The following LRIG3 variants were observed in gnomAD, a reference collection of about 807,000 sequenced individuals.
LRIG3 encodes leucine rich repeats and immunoglobulin like domains 3.
In LRIG3, 76 loss-of-function variants were observed where a neutral mutation model predicts 114.5. The observed-to-expected ratio is 0.66, with a 90% CI of 0.55 to 0.80. The LOEUF (loss-of-function observed/expected upper bound fraction) is 0.80. LRIG3 is among the 30% of genes least tolerant of loss of function. The probability of loss-of-function intolerance (pLI) is 0.00; values close to 1 mark genes in which losing one functional copy is unlikely to be tolerated. For synonymous variants in LRIG3, 512 were observed against 519.8 expected (o/e 0.98, Z 0.20); for missense variants, 1,239 against 1,382.8 (o/e 0.90, Z 1.65).
At chr12:58,885,089 G>T (rs1871233405) in intron 10 of LRIG3, among the ~76,000 whole-genome samples, 1 of 152,134 alleles carries the variant, frequency 6.6e-6, no homozygotes, top group South Asian at 2.1e-4. Context: ...ACTGGGAGTA[G>T]CGGCAGAGAT....
chr12:58,903,381 C>A (rs572302791), intron 3 of LRIG3, among the ~76,000 whole-genome samples: 16 of 152,278 alleles, frequency 1.1e-4, no homozygotes, highest in African/African-American at 3.6e-4. Context: ...TGAGAAGTGT[C>A]TGTTCATATC....
intron 2 of LRIG3, 89 bp downstream of exon 2, chr12:58,914,176 C>T (rs11834094): frequency 0.1 from 153,179 of 1,501,450 alleles, 10,054 homozygotes; most frequent in Admixed American, 0.3. Flanking sequence ...TTGAATAACT[C>T]ACTATAATCC....
chr12:58,888,569 G>A (rs996344255), intron 6 of LRIG3, 97 bp from the exon 7 acceptor site: 1 of 1,457,242 alleles, frequency 6.9e-7, no homozygotes, highest in African/African-American at 1.4e-5. Flanking sequence ...GATTCCTATT[G>A]TTATTAGATG....
chr12:58,899,434 C>T (rs540012872), intron 3 of LRIG3, among the ~76,000 whole-genome samples: 14 of 151,992 alleles, frequency 9.2e-5, no homozygotes, highest in African/African-American at 3.1e-4. Flanking sequence ...ACTTCCATAC[C>T]TTTGTTTTTT....
rs760478825 is a variant in LRIG3 at position 58,872,538 on chromosome 12, A to G, written c.*34T>C. On this transcript the variant is annotated 3_prime_UTR_variant, in exon 19 of 19. Coordinates refer to ENST00000320743, the MANE Select transcript of LRIG3 (RefSeq NM_153377.5). ...TTTTAAATAAAAGTTCACTTGAGGT[A>G]GTATGTTAAGCTTTTCCTTTGGTCT... 34 of 1,526,602 alleles carry G rather than the reference A, an allele frequency of 2.2e-5. No individual in the cohort carries two copies. Among genetic ancestry groups the G allele is most frequent in the Non-Finnish European group, 4.4e-6 (5 of 1,134,174 alleles). 94.6% of individuals were successfully genotyped at this position (1,526,602 alleles called of 1,614,324 possible). A position where few individuals can be genotyped will look rare whatever the true frequency, so the allele number is the denominator to read the frequency against.
intron 3 of LRIG3, among the ~76,000 whole-genome samples, chr12:58,900,432 T>C (rs1303145000): frequency 7.7e-6 from 1 of 130,202 alleles, no homozygotes; most frequent in African/African-American, 3.0e-5. Context: ...TGGTATGCAC[T>C]TTTTATTCTT....
rs939588235 is a variant in LRIG3 at position 58,891,791 on chromosome 12, A to T, written c.384-995T>A. Among the ~76,000 whole-genome samples the T allele has an allele frequency of 6.6e-5, 10 of 152,230 alleles. 1 individual carries two copies. The highest frequency in any genetic ancestry group is 5.9e-4 in the Admixed American group (9 of 15,284). ...ATTAGATCCAAACATGTTTTACATTAAAAGTCTTAAACATCAGACCATGAC... is the reference window on the plus strand; with the variant it reads ...ATTAGATCCAAACATGTTTTACATTTAAAGTCTTAAACATCAGACCATGAC... On this transcript the variant is annotated intron_variant, in intron 3 of 18. Coordinates refer to ENST00000320743, the MANE Select transcript of LRIG3 (RefSeq NM_153377.5).
chr12:58,900,092 C>T (rs1443533903), intron 3 of LRIG3, among the ~76,000 whole-genome samples: 1 of 152,134 alleles, frequency 6.6e-6, no homozygotes, highest in East Asian at 1.9e-4. Flanking sequence ...TAAGGTCTCC[C>T]AAAATTAAAT....
chr12:58,874,718 G>A, intron 16 of LRIG3, 145 bp from the exon 17 acceptor site: 3 of 1,007,808 alleles, frequency 3.0e-6, no homozygotes, highest in South Asian at 3.3e-5. Flanking sequence ...TTACAGTAGG[G>A]TTTTAAAAAA....
chr12:58,892,369 C>T lies in LRIG3; in HGVS notation c.384-1573G>A, dbSNP rs576302874. On this transcript the variant is annotated intron_variant, in intron 3 of 18. Transcript: ENST00000320743. ...TAAGTCACACACTGGTGTTTGTACA[C>T]GGTCTGCAGTTAATCTTCGATTAAA... Among the ~76,000 whole-genome samples, 18 of 152,306 alleles carry T rather than the reference C, an allele frequency of 1.2e-4. 1 individual carries two copies. The highest frequency in any genetic ancestry group is 5.9e-4 in the Admixed American group (9 of 15,304).
intron 13 of LRIG3, 54 bp from the exon 14 acceptor site, chr12:58,879,159 C>T: frequency 6.6e-7 from 1 of 1,506,008 alleles, no homozygotes; most frequent in Non-Finnish European, 8.9e-7. Context: ...TACAGGTTCA[C>T]TTGCATTCCT....
chr12:58,883,014 G>A lies in LRIG3; in HGVS notation c.1335C>T (p.Ser445=), dbSNP rs201014796. 6.2e-7 allele frequency: 1 copy of A among 1,613,176 alleles called. No homozygotes were observed. Among genetic ancestry groups the A allele is most frequent in the Non-Finnish European group, 8.5e-7 (1 of 1,179,572 alleles). ...KLQQLHLNTS[S]LLCDCQLKWL... ...ATTTTAGCTGGCAATCGCACAAAAG[G>A]CTTGATGTATTTAAATGCCTGAGGA... The change falls in exon 12 of 19, where the codon AGC becomes AGT. Residue 445 remains serine, a synonymous_variant. Coordinates refer to ENST00000320743, the MANE Select transcript of LRIG3 (RefSeq NM_153377.5).
At position 58,914,067 on chromosome 12, in the gene LRIG3, CAA is replaced by C. The variant is rs72005968; in HGVS notation, c.309-13_309-12del. 1.9e-4 allele frequency: 234 copies of C among 1,226,120 alleles called. No homozygotes were observed. The highest frequency in any genetic ancestry group is 6.6e-4 in the Admixed American group (29 of 43,616). The allele number at this position is 1,226,120 out of a possible 1,614,324, so 76.0% of individuals were successfully genotyped here. ...TTGTTGTTCAGTTTCCTACAAATGC[CAA>C]AAAAAAAAAGAAAAAGAAAAGCTGA... On this transcript the variant is annotated splice_polypyrimidine_tract_variant and intron_variant, in intron 2 of 18. Transcript: ENST00000320743.
intron 2 of LRIG3, 87 bp downstream of exon 2, chr12:58,914,178 C>A (rs1592312710): frequency 1.3e-6 from 2 of 1,511,136 alleles, no homozygotes; most frequent in Non-Finnish European, 1.8e-6. Context: ...GAATAACTCA[C>A]TATAATCCAA....
At chr12:58,873,207 T>G (rs1870796182) in intron 18 of LRIG3, among the ~76,000 whole-genome samples, 1 of 152,194 alleles carries the variant, frequency 6.6e-6, no homozygotes, top group Non-Finnish European at 1.5e-5. Flanking sequence ...AAAGAAATTT[T>G]CTTTCAAAAT....
At chr12:58,890,277 A>G in intron 4 of LRIG3, 138 bp from the exon 5 acceptor site, 1 of 914,022 alleles carries the variant, frequency 1.1e-6, no homozygotes, top group Non-Finnish European at 1.6e-6. Flanking sequence ...TAGGTCCTCA[A>G]GGACAGATGT....
At chr12:58,879,236 T>TTCCAA in intron 13 of LRIG3, 131 bp from the exon 14 acceptor site, 1 of 1,087,920 alleles carries the variant, frequency 9.2e-7, no homozygotes, top group Non-Finnish European at 1.3e-6. Flanking sequence ...CAGGGGTTAA[T>TTCCAA]TCCAATTTCA....
chr12:58,904,052 C>T (rs925408538), intron 3 of LRIG3, among the ~76,000 whole-genome samples: 1 of 152,068 alleles, frequency 6.6e-6, no homozygotes, highest in African/African-American at 2.4e-5. Flanking sequence ...GATGCGGGCT[C>T]TTTTTTGGTT....
rs1022356750 is a variant in LRIG3 at position 58,872,353 on chromosome 12, C to T, written c.*219G>A. 2.9e-6 allele frequency: 1 copy of T among 339,492 alleles called. No homozygotes were observed. The highest frequency in any genetic ancestry group is 5.1e-6 in the Non-Finnish European group (1 of 194,318). 21.0% of individuals were successfully genotyped at this position (339,492 alleles called of 1,614,324 possible). A position where few individuals can be genotyped will look rare whatever the true frequency, so the allele number is the denominator to read the frequency against. On this transcript the variant is annotated 3_prime_UTR_variant, in exon 19 of 19. Transcript: ENST00000320743. ...ACGTAAGATACTTTTTTGCATAAAA[C>T]AAAGTTAAAAAATAGTTTAAAAAGG... is the stretch of plus-strand genomic sequence containing the variant.
Sources: allele counts gnomAD v4.1 joint callset (sites outside exome capture counted in the v4.1 genomes callset), GRCh38; gene constraint gnomAD v4.1.1; transcripts MANE v1.5; gene names NCBI Gene and HGNC (gene_info 2026-07-23, HGNC 2026-07-21).